The following KIF26B variants were observed in gnomAD, a reference collection of about 807,000 sequenced individuals.
KIF26B encodes the protein kinesin family member 26B.
In KIF26B, 63 loss-of-function variants were observed where a neutral mutation model predicts 151.2. The observed-to-expected ratio is 0.42, with a 90% CI of 0.34 to 0.51. The LOEUF is 0.51. Among genes scored for constraint, KIF26B ranks in the 20% least tolerant of loss-of-function variants. The pLI is 0.07. For missense variants in KIF26B, 2,813 were observed against 2,913.6 expected (o/e 0.97, Z 0.79); for synonymous variants, 1,357 against 1,262.1 (o/e 1.08, Z -1.59).
rs557010266 is a variant in KIF26B, at chr1:245,527,060, G to C, written c.1167-13707G>C. On this transcript the variant is annotated intron_variant, in intron 4 of 14. Coordinates refer to ENST00000407071, the MANE Select transcript of KIF26B (RefSeq NM_018012.4). ...CTTTTAGGCGGGCTCTCTGTTTATG[G>C]TAGACCATTCAGCTTCTTCCTTTTA... Among the ~76,000 whole-genome samples the C allele has an allele frequency of 3.2e-4, 49 of 152,306 alleles. 1 individual carries two copies. The Middle Eastern group carries it at 0.014, about 42-fold the overall frequency.
intron 4 of KIF26B, among the ~76,000 whole-genome samples, chr1:245,422,501 C>T (rs1251823786): frequency 6.6e-6 from 1 of 152,096 alleles, no homozygotes; most frequent in South Asian, 2.1e-4. Context: ...CAGTTAGGTC[C>T]CCAAACGTCC....
intron 6 of KIF26B, among the ~76,000 whole-genome samples, chr1:245,605,104 C>T (rs1254865053): frequency 6.6e-6 from 1 of 152,212 alleles, no homozygotes; most frequent in Non-Finnish European, 1.5e-5. Flanking sequence ...GTCACTCAAC[C>T]TCTCTGGACC....
At chr1:245,431,815 C>T (rs1367735191) in intron 4 of KIF26B, among the ~76,000 whole-genome samples, 1 of 152,192 alleles carries the variant, frequency 6.6e-6, no homozygotes, top group East Asian at 1.9e-4. Context: ...TTGTTAGTTA[C>T]TAAAATATCG....
chr1:245,540,434 G>T lies in KIF26B; in HGVS notation c.1167-333G>T, dbSNP rs964893757. 5.8e-6 allele frequency: 3 copies of T among 520,868 alleles called. No individual in the cohort carries two copies. Among genetic ancestry groups the T allele is most frequent in the African/African-American group, 3.8e-5 (2 of 52,822 alleles). 32.3% of individuals were successfully genotyped at this position (520,868 alleles called of 1,614,324 possible). On this transcript the variant is annotated intron_variant, in intron 4 of 14. Transcript: ENST00000407071. The surrounding 1 kb of genome is among the most constrained non-coding windows in gnomAD (Gnocchi z 4.6). ...TATGCCAGAGAAGTTGTGGAGTGATGAACTTAATGGGTGCCCTTATCCCCA... is the reference window on the plus strand; with the variant it reads ...TATGCCAGAGAAGTTGTGGAGTGATTAACTTAATGGGTGCCCTTATCCCCA...
At chr1:245,439,420 G>A (rs567207568) in intron 4 of KIF26B, among the ~76,000 whole-genome samples, 1 of 151,974 alleles carries the variant, frequency 6.6e-6, no homozygotes, top group Admixed American at 6.6e-5. Context: ...GTTTTGAGAT[G>A]GGGCGAGAAT....
chr1:245,204,519 G>A (rs187597302), intron 2 of KIF26B, among the ~76,000 whole-genome samples: 5 of 151,850 alleles, frequency 3.3e-5, no homozygotes, highest in East Asian at 3.9e-4. Flanking sequence ...GATTACAAGC[G>A]CCCGCCACCA....
At chr1:245,522,159 G>C (rs577093617) in intron 4 of KIF26B, among the ~76,000 whole-genome samples, 2 of 152,028 alleles carry the variant, frequency 1.3e-5, no homozygotes, top group South Asian at 2.1e-4. Flanking sequence ...GTGAGCCACC[G>C]CGCCCGGCCT....
chr1:245,534,899 CAGCCACCCG>C (rs1404772068), intron 4 of KIF26B, among the ~76,000 whole-genome samples: 1 of 152,024 alleles, frequency 6.6e-6, no homozygotes, highest in African/African-American at 2.4e-5. Flanking sequence ...TCTCCCACCT[CAGCCACCCG>C]AGTAGCTGGC....
chr1:245,611,674 G>A, intron 8 of KIF26B, 119 bp from the exon 9 acceptor site: 2 of 937,750 alleles, frequency 2.1e-6, no homozygotes, highest in South Asian at 1.7e-5. Context: ...CCTTAGAGGG[G>A]CACGTGGCTT....
intron 3 of KIF26B, among the ~76,000 whole-genome samples, chr1:245,390,945 A>C (rs1389703243): frequency 6.7e-6 from 1 of 148,484 alleles, no homozygotes; most frequent in Admixed American, 6.7e-5. Context: ...AAAAAAAAAA[A>C]AAAAAAACCA....
intron 3 of KIF26B, among the ~76,000 whole-genome samples, chr1:245,383,932 G>A (rs934711059): frequency 2.0e-5 from 3 of 152,174 alleles, no homozygotes; most frequent in Admixed American, 6.5e-5. Flanking sequence ...CTTGCGGAAC[G>A]TGTATCAGCT....
chr1:245,647,195 G>A (rs1341389841), intron 10 of KIF26B, among the ~76,000 whole-genome samples: 1 of 152,146 alleles, frequency 6.6e-6, no homozygotes, highest in East Asian at 1.9e-4. Context: ...GGAGGCCGAG[G>A]CGGGTGGATC....
At chr1:245,168,297 A>G (rs1668648796) in intron 2 of KIF26B, among the ~76,000 whole-genome samples, 1 of 152,206 alleles carries the variant, frequency 6.6e-6, no homozygotes, top group Non-Finnish European at 1.5e-5. Context: ...CGTCCAGCCA[A>G]GGGGAGGGAC....
At chr1:245,481,121 C>G (rs1418292727) in intron 4 of KIF26B, among the ~76,000 whole-genome samples, 1 of 151,870 alleles carries the variant, frequency 6.6e-6, no homozygotes, top group Non-Finnish European at 1.5e-5. Flanking sequence ...CTATAAGTGC[C>G]ATCTTTGGAA....
At chr1:245,591,683 G>T (rs111616334) in intron 5 of KIF26B, among the ~76,000 whole-genome samples, 1 of 152,158 alleles carries the variant, frequency 6.6e-6, no homozygotes, top group Non-Finnish European at 1.5e-5. Context: ...ACCTGAGAAC[G>T]CCTGTCTCTG....
intron 4 of KIF26B, among the ~76,000 whole-genome samples, chr1:245,420,855 A>G (rs1658468528): frequency 6.6e-6 from 1 of 152,214 alleles, no homozygotes. Context: ...AATATGGGGA[A>G]GGGGCTCTGA....
chr1:245,690,584 A>C (rs2044611017), intron 12 of KIF26B, among the ~76,000 whole-genome samples: 1 of 152,188 alleles, frequency 6.6e-6, no homozygotes, highest in African/African-American at 2.4e-5. Context: ...AATCCACCTT[A>C]AGGGATGGTG....
intron 2 of KIF26B, among the ~76,000 whole-genome samples, chr1:245,357,740 G>C (rs1475206174): frequency 6.6e-6 from 1 of 152,156 alleles, no homozygotes; most frequent in Non-Finnish European, 1.5e-5. Context: ...AAATGTAGGG[G>C]CTTCCATGAG....
intron 4 of KIF26B, among the ~76,000 whole-genome samples, chr1:245,444,174 A>AG: frequency 7.2e-6 from 1 of 137,978 alleles, no homozygotes; most frequent in Admixed American, 7.2e-5. Context: ...CTGTTCACCT[A>AG]GAGTGGTCAT....
Sources: allele counts gnomAD v4.1 joint callset (sites outside exome capture counted in the v4.1 genomes callset), GRCh38; gene constraint gnomAD v4.1.1; non-coding constraint Gnocchi (gnomAD v3.1); transcripts MANE v1.5; gene names NCBI Gene and HGNC (gene_info 2026-07-23, HGNC 2026-07-21).